RGS7: variants seen among roughly 807,000 people sequenced by gnomAD.
The protein encoded by RGS7 is regulator of G protein signaling 7.
RGS7 carries 27 observed loss-of-function variants against 81.1 expected under a neutral mutation model. The observed-to-expected ratio is 0.33, with a 90% CI of 0.25 to 0.46. The LOEUF (loss-of-function observed/expected upper bound fraction) is 0.46, where lower values mean the gene tolerates loss of function less well. RGS7 is among the 20% of genes least tolerant of loss of function. The probability of loss-of-function intolerance (pLI) is 1.00; values close to 1 mark genes in which losing one functional copy is unlikely to be tolerated. For synonymous variants in RGS7, 208 were observed against 207.7 expected (o/e 1.00, Z -0.01); for missense variants, 396 against 607.4 (o/e 0.65, Z 3.66).
chr1:240,939,225 T>G (rs1249386015), intron 4 of RGS7, among the ~76,000 whole-genome samples: 2 of 152,086 alleles, frequency 1.3e-5, no homozygotes, highest in East Asian at 3.9e-4. Flanking sequence ...CTTCCATACA[T>G]TTGCCTTCTG....
chr1:241,276,830 T>C (rs188049416), intron 2 of RGS7, among the ~76,000 whole-genome samples: 3 of 152,320 alleles, frequency 2.0e-5, no homozygotes, highest in East Asian at 3.9e-4. Context: ...CAGTAAAGAA[T>C]TTTTCTTGAA....
At chr1:241,149,768 G>A (rs147363831) in intron 2 of RGS7, among the ~76,000 whole-genome samples, 6 of 152,064 alleles carry the variant, frequency 3.9e-5, no homozygotes, top group African/African-American at 1.4e-4. Flanking sequence ...AGGGAGTGGT[G>A]GGCATTTCTT....
chr1:241,088,782 T>C (rs1446128340), intron 3 of RGS7, among the ~76,000 whole-genome samples: 1 of 151,552 alleles, frequency 6.6e-6, no homozygotes, highest in Non-Finnish European at 1.5e-5. Flanking sequence ...GAGGAAGAGG[T>C]GGGCAGATCA....
intron 2 of RGS7, among the ~76,000 whole-genome samples, chr1:241,118,915 G>A (rs1190338046): frequency 2.6e-5 from 4 of 152,108 alleles, no homozygotes; most frequent in African/African-American, 7.2e-5. Context: ...GCTGAGGGTT[G>A]AAAAATTACC....
At chr1:241,017,401 C>T (rs2059312240) in intron 3 of RGS7, among the ~76,000 whole-genome samples, 1 of 143,544 alleles carries the variant, frequency 7.0e-6, no homozygotes, top group Admixed American at 7.1e-5. Flanking sequence ...GATCACACCA[C>T]TGCACTCTAG....
At chr1:241,066,093 G>A (rs1342071830) in intron 3 of RGS7, among the ~76,000 whole-genome samples, 1 of 152,148 alleles carries the variant, frequency 6.6e-6, no homozygotes, top group Non-Finnish European at 1.5e-5. Flanking sequence ...GAATAATGGA[G>A]TAAATGAAAT....
intron 2 of RGS7, among the ~76,000 whole-genome samples, chr1:241,321,596 T>C (rs2081218843): frequency 6.6e-6 from 1 of 152,284 alleles, no homozygotes; most frequent in Non-Finnish European, 1.5e-5. Flanking sequence ...TAGAACACTA[T>C]CATTTGTGCA....
intron 4 of RGS7, among the ~76,000 whole-genome samples, chr1:240,955,909 A>G (rs1443539385): frequency 7.1e-6 from 1 of 141,352 alleles, no homozygotes; most frequent in African/African-American, 2.6e-5. Flanking sequence ...GCAAAATGCA[A>G]AATCAGAAAC....
chr1:241,106,539 T>G (rs1401443467), intron 2 of RGS7, among the ~76,000 whole-genome samples: 1 of 150,636 alleles, frequency 6.6e-6, no homozygotes, highest in Non-Finnish European at 1.5e-5. Flanking sequence ...CATGGCGAAA[T>G]TCTGTCTCTA....
At chr1:240,988,356 T>C (rs541175278) in intron 3 of RGS7, among the ~76,000 whole-genome samples, 3 of 152,088 alleles carry the variant, frequency 2.0e-5, no homozygotes, top group Admixed American at 1.3e-4. Flanking sequence ...TTAAACTCAA[T>C]TGAATTTCTT....
chr1:240,954,353 A>G (rs569605853), intron 4 of RGS7, among the ~76,000 whole-genome samples: 7 of 152,268 alleles, frequency 4.6e-5, no homozygotes, highest in African/African-American at 1.7e-4. Context: ...TCCTTAACAT[A>G]TTATCAAATG....
rs555398138 is a variant in RGS7 at position 240,859,143 on chromosome 1, G to T, written c.609+9444C>A. The stretch of plus-strand genomic sequence containing the variant: ...CTGTCTTAGAAGGTTATTAATTATT[G>T]ATTCAATTTCTTCATTTAATTTACT... On this transcript the variant is annotated intron_variant, in intron 9 of 18. Coordinates refer to ENST00000440928, the MANE Select transcript of RGS7 (RefSeq NM_001364886.1). Among the ~76,000 whole-genome samples, 7 of 152,140 alleles carry T rather than the reference G, an allele frequency of 4.6e-5. No individual in the cohort carries two copies. The South Asian group carries it at 6.2e-4, about 14-fold the overall frequency.
At chr1:241,053,680 C>T (rs2061354292) in intron 3 of RGS7, among the ~76,000 whole-genome samples, 1 of 152,072 alleles carries the variant, frequency 6.6e-6, no homozygotes, top group Non-Finnish European at 1.5e-5. Context: ...GGCTGTGTCC[C>T]CACCCAAATC....
intron 6 of RGS7, among the ~76,000 whole-genome samples, chr1:240,904,188 G>C (rs975762273): frequency 6.6e-6 from 1 of 152,032 alleles, no homozygotes; most frequent in Non-Finnish European, 1.5e-5. Flanking sequence ...AGAGAGTCAG[G>C]ATGGAGAAAA....
At chr1:241,156,499 C>G (rs2069160685) in intron 2 of RGS7, among the ~76,000 whole-genome samples, 1 of 148,466 alleles carries the variant, frequency 6.7e-6, no homozygotes, top group African/African-American at 2.5e-5. Flanking sequence ...GAGAGAGACT[C>G]TGTCTCAAAA....
At chr1:241,057,171 T>C (rs2061514994) in intron 3 of RGS7, among the ~76,000 whole-genome samples, 1 of 152,016 alleles carries the variant, frequency 6.6e-6, no homozygotes, top group Non-Finnish European at 1.5e-5. Flanking sequence ...GTCGTATGAG[T>C]ATGGCTTTCC....
chr1:241,167,911 G>C (rs2070396721), intron 2 of RGS7, among the ~76,000 whole-genome samples: 1 of 152,120 alleles, frequency 6.6e-6, no homozygotes, highest in Middle Eastern at 3.2e-3. Flanking sequence ...TCCTGGGGTG[G>C]TGTGGTCATG....
At chr1:241,052,131 T>C (rs191346155) in intron 3 of RGS7, among the ~76,000 whole-genome samples, 2 of 152,306 alleles carry the variant, frequency 1.3e-5, no homozygotes, top group Admixed American at 1.3e-4. Flanking sequence ...CTAACATGTA[T>C]TGGGTCCCGT....
chr1:240,887,226 G>GTTTTTTTT (rs71297739), intron 6 of RGS7, among the ~76,000 whole-genome samples: 23 of 76,428 alleles, frequency 3.0e-4, no homozygotes, highest in African/African-American at 8.6e-4. Context: ...GAGTATATAG[G>GTTTTTTTT]TTTTTTTTTT....
Sources: gnomAD v4.1 joint callset for allele counts (sites outside exome capture counted in the v4.1 genomes callset) on GRCh38, gnomAD v4.1.1 for gene constraint, MANE v1.5 for transcripts, NCBI Gene and HGNC (gene_info 2026-07-23, HGNC 2026-07-21) for gene names.